ZKSCAN8: variants seen among roughly 807,000 people sequenced by gnomAD.
The protein encoded by ZKSCAN8 is zinc finger with KRAB and SCAN domains 8.
A neutral mutation model predicts 57.2 loss-of-function variants in ZKSCAN8; 27 were observed. The ratio of observed to expected loss-of-function variants is 0.47; its 90% CI spans 0.35 to 0.65. The LOEUF (loss-of-function observed/expected upper bound fraction) is 0.65, where lower values mean the gene tolerates loss of function less well. ZKSCAN8 is among the 30% of genes least tolerant of loss of function. The probability of loss-of-function intolerance (pLI) is 0.01; values close to 1 mark genes in which losing one functional copy is unlikely to be tolerated. For synonymous variants in ZKSCAN8, 214 were observed against 248.7 expected, an observed-to-expected ratio of 0.86 and a Z score of 1.31; for missense variants, 597 against 696.3, an observed-to-expected ratio of 0.86 and a Z score of 1.60.
In ZKSCAN8 at chr6:28,158,179, T is replaced by C. The variant is rs117868958; in HGVS notation, c.*4162T>C. The C allele has an allele frequency of 1.3e-5, 2 of 152,256 alleles. No individual in the cohort carries two copies. The highest frequency in any genetic ancestry group is 3.9e-4 in the East Asian group (2 of 5,188). The allele number at this position is 152,256 out of a possible 1,614,324, so 9.4% of individuals were successfully genotyped here. A position where few individuals can be genotyped will look rare whatever the true frequency, so the allele number is the denominator to read the frequency against. The stretch of plus-strand genomic sequence containing the variant: ...TTTTATATTGTTGAATTCTCCCTCC[T>C]TTGGCTTGTGGGATCCTTTTTCTCT... On this transcript the variant is annotated 3_prime_UTR_variant, in exon 6 of 6. Transcript: ENST00000330236.
Position 28,156,334 on chromosome 6 carries a change from A to G in ZKSCAN8, c.*2317A>G, listed in dbSNP as rs1765782257. 1 of 397,122 alleles carries G rather than the reference A, an allele frequency of 2.5e-6. No individual in the cohort carries two copies. Among genetic ancestry groups the G allele is most frequent in the African/African-American group, 2.1e-5 (1 of 48,614 alleles). The allele number at this position is 397,122 out of a possible 1,614,324, so 24.6% of individuals were successfully genotyped here. A position where few individuals can be genotyped will look rare whatever the true frequency, so the allele number is the denominator to read the frequency against. On this transcript the variant is annotated 3_prime_UTR_variant, in exon 6 of 6. Coordinates refer to ENST00000330236, the MANE Select transcript of ZKSCAN8 (RefSeq NM_006298.4). ...ACATTGAAATGTATACAGATGTACT[A>G]GCTAAAGTCTCTTTATGTGTCAGTA...
intron 1 of ZKSCAN8, among the ~76,000 whole-genome samples, chr6:28,143,193 G>A (rs966333273): frequency 1.3e-5 from 2 of 152,096 alleles, no homozygotes; most frequent in Non-Finnish European, 2.9e-5. Context: ...AGACATGTAC[G>A]CACAAAACTG....
chr6:28,145,279 C>T (rs1765354672), intron 1 of ZKSCAN8, among the ~76,000 whole-genome samples: 1 of 151,926 alleles, frequency 6.6e-6, no homozygotes, highest in African/African-American at 2.4e-5. Flanking sequence ...GGGGTAAGGA[C>T]AATATTGCCA....
intron 2 of ZKSCAN8, 63 bp downstream of exon 2, chr6:28,148,887 T>C (rs1230196994): frequency 6.5e-7 from 1 of 1,535,502 alleles, no homozygotes; most frequent in Non-Finnish European, 8.8e-7. Context: ...TAGAGGGACA[T>C]AGGCATCACA....
intron 1 of ZKSCAN8, among the ~76,000 whole-genome samples, chr6:28,148,111 G>A (rs149980108): frequency 4.3e-4 from 66 of 152,296 alleles, no homozygotes; most frequent in African/African-American, 1.4e-3. Flanking sequence ...AAAGCAGAAG[G>A]AAGGGGTTTT....
At chr6:28,146,585 A>T (rs1465863728) in intron 1 of ZKSCAN8, among the ~76,000 whole-genome samples, 1 of 152,204 alleles carries the variant, frequency 6.6e-6, no homozygotes, top group African/African-American at 2.4e-5. Flanking sequence ...CAATTCAATA[A>T]TTTTTTGTAG....
chr6:28,146,593 T>C (rs1765404951), intron 1 of ZKSCAN8, among the ~76,000 whole-genome samples: 1 of 152,204 alleles, frequency 6.6e-6, no homozygotes, highest in Non-Finnish European at 1.5e-5. Context: ...TAATTTTTTG[T>C]AGAAATTAAT....
At chr6:28,146,571 A>T (rs1765403969) in intron 1 of ZKSCAN8, among the ~76,000 whole-genome samples, 1 of 152,218 alleles carries the variant, frequency 6.6e-6, no homozygotes, top group African/African-American at 2.4e-5. Flanking sequence ...ATTCAATACA[A>T]ATCCAATTCA....
intron 4 of ZKSCAN8, 145 bp from the exon 5 acceptor site, chr6:28,152,116 C>A: frequency 7.2e-7 from 1 of 1,396,796 alleles, no homozygotes; most frequent in Non-Finnish European, 9.7e-7. Context: ...ATGCATTTTC[C>A]TCTTCTTCCT....
In ZKSCAN8 at chr6:28,154,075, G is replaced by A. The variant is rs1264599828; in HGVS notation, c.*58G>A. ...AGCATTAGGGAAACCACACACTGGTGAGAGGTCTTTCAGTGTACTAAAAGG... is the reference window on the plus strand; with the variant it reads ...AGCATTAGGGAAACCACACACTGGTAAGAGGTCTTTCAGTGTACTAAAAGG... On this transcript the variant is annotated 3_prime_UTR_variant, in exon 6 of 6. Transcript: ENST00000330236. 9 of 1,517,912 alleles carry A rather than the reference G, an allele frequency of 5.9e-6. No individual in the cohort carries two copies. Among genetic ancestry groups the A allele is most frequent in the Non-Finnish European group, 7.9e-6 (9 of 1,141,284 alleles). 94.0% of individuals were successfully genotyped at this position (1,517,912 alleles called of 1,614,324 possible).
In ZKSCAN8 at chr6:28,156,283, G is replaced by A; in HGVS notation, c.*2266G>A. The A allele has an allele frequency of 2.5e-6, 1 of 398,096 alleles. No homozygotes were observed. The highest frequency in any genetic ancestry group is 4.4e-6 in the Non-Finnish European group (1 of 225,690). 24.7% of individuals were successfully genotyped at this position (398,096 alleles called of 1,614,324 possible). On this transcript the variant is annotated 3_prime_UTR_variant, in exon 6 of 6. Coordinates refer to ENST00000330236, the MANE Select transcript of ZKSCAN8 (RefSeq NM_006298.4). Reference sequence around the variant, plus strand: ...ATTAACAAAATTGGGTGCATTCAGGGTGGTATGGCCATAGACCAGAGCAAC... The same window carrying A: ...ATTAACAAAATTGGGTGCATTCAGGATGGTATGGCCATAGACCAGAGCAAC...
At position 28,153,095 on chromosome 6, in the gene ZKSCAN8, A is replaced by G. The variant is rs1187210482; in HGVS notation, c.815A>G (p.Lys272Arg). 4 of 1,614,170 alleles carry G rather than the reference A, an allele frequency of 2.5e-6. No homozygotes were observed. Among genetic ancestry groups the G allele is most frequent in the Middle Eastern group, 3.3e-4 (2 of 6,062 alleles). Residue 272 changes from lysine (K) to arginine (R), a missense_variant, in exon 6 of 6, where the codon AAA (lysine) becomes AGA (arginine). Lys to Arg is a conservative substitution (Grantham distance 26). Coordinates refer to ENST00000330236, the MANE Select transcript of ZKSCAN8 (RefSeq NM_006298.4). ...AGTGAGAACAGGGAATTAGCTTCAAAACAGGTAATATCTACTGGAATCCAG... is the reference window on the plus strand; with the variant it reads ...AGTGAGAACAGGGAATTAGCTTCAAGACAGGTAATATCTACTGGAATCCAG... ...TRSENRELAS[K>R]QVISTGIQPH...
chr6:28,150,799 CTTTAT>C (rs1765566244), intron 3 of ZKSCAN8, among the ~76,000 whole-genome samples: 1 of 151,906 alleles, frequency 6.6e-6, no homozygotes, highest in East Asian at 1.9e-4. Flanking sequence ...CTGTTACTGT[CTTTAT>C]TTTGTTTTTG....
Position 28,153,989 on chromosome 6 carries a change from G to A in ZKSCAN8, c.1709G>A (p.Gly570Asp). The A allele has an allele frequency of 2.5e-6, 4 of 1,603,966 alleles. No individual in the cohort carries two copies. The South Asian group carries it at 3.4e-5, about 13-fold the overall frequency. ...SLIRHQRIHS[G>D]EKSESISV is the part of the protein sequence containing the mutation. ...ATTCGACATCAGAGAATCCACAGTG[G>A]TGAAAAATCTGAATCCATAAGCGTT... The change falls in exon 6 of 6, where the codon GGT becomes GAT. Residue 570 changes from glycine (G) to aspartate (D), a missense_variant. By Grantham distance (94) the Gly-to-Asp change is moderately conservative. Coordinates refer to ENST00000330236, the MANE Select transcript of ZKSCAN8 (RefSeq NM_006298.4).
At chr6:28,147,858 T>G (rs982278412) in intron 1 of ZKSCAN8, among the ~76,000 whole-genome samples, 3 of 152,160 alleles carry the variant, frequency 2.0e-5, no homozygotes, top group African/African-American at 4.8e-5. Flanking sequence ...GTTAGGAAAG[T>G]TTTTGACAAT....
rs1765796054 is a variant in ZKSCAN8 at position 28,156,738 on chromosome 6, A to G, written c.*2721A>G. The G allele has an allele frequency of 6.6e-6, 1 of 152,238 alleles. No individual in the cohort carries two copies. The allele number at this position is 152,238 out of a possible 1,614,324, so 9.4% of individuals were successfully genotyped here. ...CATCTGAAATGAACTATTCATCAGTACTTTCTCCTCCCATCCTAAGCTTCT... is the reference window on the plus strand; with the variant it reads ...CATCTGAAATGAACTATTCATCAGTGCTTTCTCCTCCCATCCTAAGCTTCT... On this transcript the variant is annotated 3_prime_UTR_variant, in exon 6 of 6. Coordinates refer to ENST00000330236, the MANE Select transcript of ZKSCAN8 (RefSeq NM_006298.4).
Position 28,158,846 on chromosome 6 carries a change from G to A in ZKSCAN8, c.*4829G>A, listed in dbSNP as rs1032272021. The A allele has an allele frequency of 3.9e-5, 6 of 151,908 alleles. No homozygotes were observed. Among genetic ancestry groups the A allele is most frequent in the South Asian group, 4.2e-4 (2 of 4,816 alleles). 9.4% of individuals were successfully genotyped at this position (151,908 alleles called of 1,614,324 possible). On this transcript the variant is annotated 3_prime_UTR_variant, in exon 6 of 6. Transcript: ENST00000330236. Reference sequence around the variant, plus strand: ...ACCCAGTAGATAATTTTTCAAAGACGATCCTCCTCAAACACCCATTTTTAC... The same window carrying A: ...ACCCAGTAGATAATTTTTCAAAGACAATCCTCCTCAAACACCCATTTTTAC...
In ZKSCAN8 at chr6:28,144,176, A is replaced by C. The variant is rs1765312584; in HGVS notation, c.-93+2147A>C. On this transcript the variant is annotated intron_variant, in intron 1 of 5. Coordinates refer to ENST00000330236, the MANE Select transcript of ZKSCAN8 (RefSeq NM_006298.4). The surrounding 1 kb of genome is among the most constrained non-coding windows in gnomAD (Gnocchi z 4.5). ...TTCAAATTCCCTTTCTTTTCTGTAC[A>C]CACTCTCTATGTAGGATTTGTTTGT... Among the ~76,000 whole-genome samples, 1 of 152,074 alleles carries C rather than the reference A, an allele frequency of 6.6e-6. No individual in the cohort carries two copies. Among genetic ancestry groups the C allele is most frequent in the Non-Finnish European group, 1.5e-5 (1 of 68,020 alleles).
chr6:28,151,446 G>A (rs1455572381), intron 3 of ZKSCAN8, among the ~76,000 whole-genome samples: 1 of 152,204 alleles, frequency 6.6e-6, no homozygotes, highest in African/African-American at 2.4e-5. Context: ...GGGAGCCATA[G>A]TAGACATTTC....
Sources: allele counts gnomAD v4.1 joint callset (sites outside exome capture counted in the v4.1 genomes callset), GRCh38; gene constraint gnomAD v4.1.1; non-coding constraint Gnocchi (gnomAD v3.1); transcripts MANE v1.5; gene names NCBI Gene and HGNC (gene_info 2026-07-23, HGNC 2026-07-21).